Variants in MLIP observed in about 807,000 individuals in gnomAD.
MLIP encodes muscular LMNA-interacting protein.
Under a neutral mutation model 84.8 loss-of-function variants are expected in MLIP, and 79 were observed. The ratio of observed to expected loss-of-function variants is 0.93; its 90% CI spans 0.78 to 1.12. MLIP has a LOEUF of 1.12. Among genes scored for constraint, MLIP ranks in the 50% most tolerant of loss-of-function variants. The pLI, the probability that MLIP is intolerant of heterozygous loss-of-function variation, is 0.00. For missense variants in MLIP, 1,257 were observed against 1,160.6 expected, an observed-to-expected ratio of 1.08 and a Z score of -1.21; for synonymous variants, 504 against 463.0, an observed-to-expected ratio of 1.09 and a Z score of -1.14.
chr6:54,073,179 G>T (rs1766589240), intron 1 of MLIP, among the ~76,000 whole-genome samples: 2 of 152,172 alleles, frequency 1.3e-5, no homozygotes, highest in Non-Finnish European at 2.9e-5. Flanking sequence ...GGAGAGCTGG[G>T]GGGTGGAACT....
Position 54,138,083 on chromosome 6 carries a change from C to A in MLIP, c.2014C>A (p.Pro672Thr). ...TCATGCCAATCTGCCCACCCTGGTG[C>A]CCCAGCTCAGTCCCTCAGCTCTGCA... ...LPHANLPTLV[P>T]QLSPSALHPH... Residue 672 changes from proline to threonine, a missense_variant, in exon 4 of 14, where the codon CCC becomes ACC. Pro to Thr is a conservative substitution (Grantham distance 38). Coordinates refer to ENST00000502396, the MANE Select transcript of MLIP (RefSeq NM_001281747.2). 6.5e-7 allele frequency: 1 copy of A among 1,536,128 alleles called. No individual in the cohort carries two copies. Among genetic ancestry groups the A allele is most frequent in the Non-Finnish European group, 8.7e-7 (1 of 1,146,880 alleles).
intron 1 of MLIP, among the ~76,000 whole-genome samples, chr6:54,039,124 G>A (rs1764605071): frequency 6.6e-6 from 1 of 151,818 alleles, no homozygotes; most frequent in African/African-American, 2.4e-5. Context: ...CTAATGAAAG[G>A]TATGAGCAAA....
At chr6:54,191,338 GTTGT>G (rs1322573528) in intron 10 of MLIP, among the ~76,000 whole-genome samples, 3 of 152,128 alleles carry the variant, frequency 2.0e-5, no homozygotes, top group Admixed American at 2.0e-4. Context: ...CATAAAAAGT[GTTGT>G]TTGACTTTTA....
intron 4 of MLIP, among the ~76,000 whole-genome samples, chr6:54,147,748 T>G (rs944045699): frequency 6.6e-6 from 1 of 152,150 alleles, no homozygotes; most frequent in African/African-American, 2.4e-5. Context: ...TATATATTCA[T>G]GTGTATGAAT....
intron 9 of MLIP, among the ~76,000 whole-genome samples, chr6:54,172,021 G>C (rs1775820846): frequency 6.6e-6 from 1 of 151,376 alleles, no homozygotes; most frequent in Non-Finnish European, 1.5e-5. Context: ...GGATCGTGCA[G>C]GTTACCAACT....
intron 1 of MLIP, among the ~76,000 whole-genome samples, chr6:54,086,850 C>T (rs1012282945): frequency 6.6e-6 from 1 of 152,138 alleles, no homozygotes; most frequent in African/African-American, 2.4e-5. Context: ...TCTTAAAAGT[C>T]ACCTCCAAGG....
intron 9 of MLIP, among the ~76,000 whole-genome samples, chr6:54,172,900 G>T (rs1775913770): frequency 6.6e-6 from 1 of 151,514 alleles, no homozygotes. Flanking sequence ...TTAAAATGCA[G>T]GCTATTTTAC....
intron 11 of MLIP, among the ~76,000 whole-genome samples, chr6:54,229,554 T>C (rs1217249515): frequency 6.6e-6 from 1 of 152,136 alleles, no homozygotes; most frequent in Non-Finnish European, 1.5e-5. Context: ...GTATGTGTTG[T>C]TCCCCCACCA....
intron 1 of MLIP, among the ~76,000 whole-genome samples, chr6:54,066,943 C>T (rs1766249865): frequency 1.0e-5 from 1 of 99,692 alleles, no homozygotes; most frequent in South Asian, 3.6e-4. Context: ...TTAATTTAAA[C>T]CAAAATATTC....
At chr6:54,125,046 A>G (rs921682540) in intron 3 of MLIP, among the ~76,000 whole-genome samples, 181 bp downstream of exon 3, 28 of 152,268 alleles carry the variant, frequency 1.8e-4, no homozygotes, top group African/African-American at 6.8e-4. Context: ...TAATAAATAT[A>G]TAAGATAAAA....
At chr6:54,210,137 T>TCACTG (rs1554185045) in intron 11 of MLIP, among the ~76,000 whole-genome samples, 1 of 151,744 alleles carries the variant, frequency 6.6e-6, no homozygotes, top group Non-Finnish European at 1.5e-5. Flanking sequence ...CCACCTCACC[T>TCACTG]CACCGCACCG....
chr6:54,228,827 A>C (rs548598528), intron 11 of MLIP, among the ~76,000 whole-genome samples: 1 of 152,136 alleles, frequency 6.6e-6, no homozygotes, highest in Admixed American at 6.5e-5. Context: ...CAATAACAAC[A>C]CTGTCCTTTT....
Position 54,091,234 on chromosome 6 carries a change from T to C in MLIP, c.64-30213T>C, listed in dbSNP as rs1767854103. 2.0e-5 allele frequency among the ~76,000 whole-genome samples: 3 copies of C among 152,304 alleles called. No homozygotes were observed. In the South Asian group the frequency reaches 6.2e-4, roughly 32 times the overall value. On this transcript the variant is annotated intron_variant, in intron 1 of 12. Transcript: ENST00000274897. ...GTGAAAGCTGAGCCATCATAAATTGTACCCGTATTTCCTATAGTGTGTTGT... is the reference window on the plus strand; with the variant it reads ...GTGAAAGCTGAGCCATCATAAATTGCACCCGTATTTCCTATAGTGTGTTGT...
At chr6:54,143,616 G>A (rs2754782) in intron 4 of MLIP, among the ~76,000 whole-genome samples, 44,617 of 152,014 alleles carry the variant, frequency 0.29, 6,741 homozygotes, top group African/African-American at 0.34. Flanking sequence ...TTTACGTCAT[G>A]AAGAAAAATG....
At chr6:54,180,061 C>T (rs1776697377) in intron 9 of MLIP, among the ~76,000 whole-genome samples, 1 of 152,110 alleles carries the variant, frequency 6.6e-6, no homozygotes, top group Admixed American at 6.6e-5. Flanking sequence ...GATATTTTCA[C>T]CAGATATACT....
chr6:54,162,952 G>A (rs1386209280), intron 8 of MLIP, among the ~76,000 whole-genome samples: 1 of 151,962 alleles, frequency 6.6e-6, no homozygotes, highest in Non-Finnish European at 1.5e-5. Context: ...TCAGAGCAAT[G>A]TGATATCATG....
chr6:54,025,543 C>G (rs9370256), intron 1 of MLIP, among the ~76,000 whole-genome samples: 15,863 of 152,138 alleles, frequency 0.1, 1,930 homozygotes, highest in East Asian at 0.69. Flanking sequence ...AACATGCAAA[C>G]GATGATATTT....
intron 1 of MLIP, among the ~76,000 whole-genome samples, chr6:54,059,314 T>C (rs1292563971): frequency 2.0e-5 from 3 of 152,222 alleles, no homozygotes; most frequent in Non-Finnish European, 4.4e-5. Context: ...AAATGTTGCT[T>C]TGATTTGTCT....
chr6:54,215,888 A>G (rs1192667013), intron 11 of MLIP: 1 of 153,794 alleles, frequency 6.5e-6, no homozygotes, highest in African/African-American at 2.4e-5. Context: ...TGTAATTCTG[A>G]CTATTTTAGA....
Sources: gnomAD v4.1 joint callset for allele counts (sites outside exome capture counted in the v4.1 genomes callset) on GRCh38, gnomAD v4.1.1 for gene constraint, MANE v1.5 for transcripts, NCBI Gene and HGNC (gene_info 2026-07-23, HGNC 2026-07-21) for gene names.